OSBPL9: variants seen among roughly 807,000 people sequenced by gnomAD.
OSBPL9 encodes oxysterol-binding protein-related protein 9.
In OSBPL9, 40 loss-of-function variants were observed where a neutral mutation model predicts 106.6. That is an observed-to-expected ratio of 0.38 (90% CI 0.29 to 0.49). OSBPL9 has a LOEUF of 0.49. Among genes scored for constraint, OSBPL9 ranks in the 20% least tolerant of loss-of-function variants. OSBPL9 has a pLI of 0.97. For synonymous variants in OSBPL9, 269 were observed against 295.4 expected, an observed-to-expected ratio of 0.91 and a Z score of 0.92; for missense variants, 609 against 887.2, an observed-to-expected ratio of 0.69 and a Z score of 3.98.
chr1:51,746,782 A>T (rs758290258), intron 6 of OSBPL9, 25 bp downstream of exon 6: 2 of 1,581,784 alleles, frequency 1.3e-6, no homozygotes, highest in Admixed American at 1.8e-5. Context: ...CGTGCTTTTG[A>T]CGTTAAAAAT....
At chr1:51,730,612 G>A (rs1375487898) in intron 4 of OSBPL9, among the ~76,000 whole-genome samples, 2 of 152,202 alleles carry the variant, frequency 1.3e-5, no homozygotes, top group Admixed American at 1.3e-4. Context: ...GCCCAGCCGA[G>A]TTATGGAAAG....
chr1:51,616,937 A>G (rs1403200953), upstream of OSBPL9: 2 of 1,292,052 alleles, frequency 1.5e-6, no homozygotes, highest in Non-Finnish European at 2.1e-6. Context: ...ATGGAGTCCT[A>G]CACACAATAG....
At chr1:51,518,895 C>G in the OSBPL9 span, among the ~76,000 whole-genome samples, 2 of 151,620 alleles carry the variant, frequency 1.3e-5, no homozygotes, top group African/African-American at 2.4e-5. Flanking sequence ...CGGCCCGGCA[C>G]CGGCAGAGCG....
intron 2 of OSBPL9, among the ~76,000 whole-genome samples, chr1:51,608,770 C>A (rs1643966314): frequency 6.6e-6 from 1 of 152,010 alleles, no homozygotes; most frequent in South Asian, 2.1e-4. Context: ...TTCCTTCCTC[C>A]ACCTACCTTA....
chr1:51,635,483 GC>G (rs1201757053), intron 1 of OSBPL9, among the ~76,000 whole-genome samples: 4 of 152,112 alleles, frequency 2.6e-5, no homozygotes, highest in Non-Finnish European at 5.9e-5. Context: ...TCTCGTGTCT[GC>G]AGCCCCTCTG....
chr1:51,662,576 G>C (rs1454056396), intron 2 of OSBPL9, among the ~76,000 whole-genome samples: 1 of 152,008 alleles, frequency 6.6e-6, no homozygotes, highest in African/African-American at 2.4e-5. Context: ...AGCAATAAAA[G>C]ACATATAAGG....
the OSBPL9 span, among the ~76,000 whole-genome samples, chr1:51,519,702 T>A: frequency 1.3e-5 from 2 of 152,186 alleles, no homozygotes; most frequent in African/African-American, 4.8e-5. Flanking sequence ...TATGCCAGGC[T>A]CTGTACTAGA....
intron 4 of OSBPL9, among the ~76,000 whole-genome samples, chr1:51,744,486 A>C (rs1667567070): frequency 6.6e-6 from 1 of 152,246 alleles, no homozygotes; most frequent in Non-Finnish European, 1.5e-5. Flanking sequence ...TAAAGTATAC[A>C]AAGATCAGGT....
intron 12 of OSBPL9, among the ~76,000 whole-genome samples, chr1:51,770,616 C>T (rs1417421484): frequency 6.6e-6 from 1 of 152,122 alleles, no homozygotes; most frequent in Non-Finnish European, 1.5e-5. Flanking sequence ...TTTCTCTTAC[C>T]TGTATCTTTT....
the OSBPL9 span, among the ~76,000 whole-genome samples, chr1:51,536,507 G>A: frequency 1.3e-5 from 2 of 151,972 alleles, no homozygotes; most frequent in Non-Finnish European, 2.9e-5. Flanking sequence ...TTGTAGAGGT[G>A]GGGTCTCGTT....
rs1227307357 is a variant in OSBPL9 at position 51,729,313 on chromosome 1, A to G, written c.318+15234A>G. 6.6e-6 allele frequency: 1 copy of G among 152,500 alleles called. No individual in the cohort carries two copies. The highest frequency in any genetic ancestry group is 1.9e-4 in the East Asian group (1 of 5,198). The allele number at this position is 152,500 out of a possible 1,614,324, so 9.4% of individuals were successfully genotyped here. A position where few individuals can be genotyped will look rare whatever the true frequency, so the allele number is the denominator to read the frequency against. On this transcript the variant is annotated intron_variant, in intron 4 of 23. Coordinates refer to ENST00000428468, the MANE Select transcript of OSBPL9 (RefSeq NM_024586.6). This position sits in a 1 kb window ranked among gnomAD's most constrained non-coding sequence, Gnocchi z 5.1. ...TAAGCAAAATCCGTTATCAAGGTGAAACTCCGGGGACCAGGCTCCACAGCT... is the reference window on the plus strand; with the variant it reads ...TAAGCAAAATCCGTTATCAAGGTGAGACTCCGGGGACCAGGCTCCACAGCT...
chr1:51,580,949 TATATA>T (rs143975323), intron 1 of OSBPL9, among the ~76,000 whole-genome samples: 593 of 2,496 alleles, frequency 0.24, 227 homozygotes, highest in Non-Finnish European at 0.33. Context: ...TATATATATA[TATATA>T]ACTTTTTTGA....
rs549618477 is a variant in OSBPL9, at chr1:51,729,808, G to A, written c.319-15728G>A. On this transcript the variant is annotated intron_variant, in intron 4 of 23. Coordinates refer to ENST00000428468, the MANE Select transcript of OSBPL9 (RefSeq NM_024586.6). This position sits in a 1 kb window ranked among gnomAD's most constrained non-coding sequence, Gnocchi z 5.1. ...GCCGGGGAGGGGACGGGAAAGGGGT[G>A]GGGGGTGAAGGGGGTGAAGGGGGTG... is the stretch of plus-strand genomic sequence containing the variant. 3.2e-6 allele frequency: 4 copies of A among 1,237,674 alleles called. No individual in the cohort carries two copies. Among genetic ancestry groups the A allele is most frequent in the South Asian group, 4.2e-5 (1 of 23,594 alleles). The allele number at this position is 1,237,674 out of a possible 1,614,324, so 76.7% of individuals were successfully genotyped here.
chr1:51,637,964 A>G (rs778155880), intron 1 of OSBPL9, among the ~76,000 whole-genome samples: 12 of 152,204 alleles, frequency 7.9e-5, no homozygotes, highest in Non-Finnish European at 1.2e-4. Flanking sequence ...TTCTGATATT[A>G]GTTCTGGCCT....
chr1:51,737,605 C>G (rs1460632931), intron 4 of OSBPL9, among the ~76,000 whole-genome samples: 1 of 149,236 alleles, frequency 6.7e-6, no homozygotes, highest in East Asian at 2.0e-4. Context: ...AATGAAACTT[C>G]TAGTGCGTAA....
At chr1:51,633,261 T>G (rs1645217932) in intron 1 of OSBPL9, among the ~76,000 whole-genome samples, 1 of 150,558 alleles carries the variant, frequency 6.6e-6, no homozygotes, top group South Asian at 2.2e-4. Context: ...ACCTGGCCAC[T>G]TTTATCTTTA....
chr1:51,656,625 T>C (rs1646830201), intron 2 of OSBPL9, among the ~76,000 whole-genome samples: 1 of 151,880 alleles, frequency 6.6e-6, no homozygotes, highest in African/African-American at 2.4e-5. Context: ...CATTTTTTTT[T>C]CCTTCTTCCC....
At chr1:51,614,182 A>G (rs1406492061), upstream of OSBPL9, 2 of 152,258 alleles carry the variant, frequency 1.3e-5, no homozygotes, top group Non-Finnish European at 2.9e-5. Context: ...AGAAAGGAAA[A>G]GAGAAACAGG....
chr1:51,592,661 C>A (rs565117327), intron 1 of OSBPL9, among the ~76,000 whole-genome samples: 1 of 152,186 alleles, frequency 6.6e-6, no homozygotes, highest in East Asian at 1.9e-4. Context: ...GAGGTGAGGT[C>A]GTGCAGACCA....
Sources: gnomAD v4.1 joint callset for allele counts (sites outside exome capture counted in the v4.1 genomes callset) on GRCh38, gnomAD v4.1.1 for gene constraint, Gnocchi (gnomAD v3.1) non-coding constraint, MANE v1.5 for transcripts, NCBI Gene and HGNC (gene_info 2026-07-23, HGNC 2026-07-21) for gene names.